Variants in CREB5 observed in about 807,000 individuals in gnomAD.
CREB5 encodes cAMP responsive element binding protein 5.
Under a neutral mutation model 57.1 loss-of-function variants are expected in CREB5, and 19 were observed. The observed-to-expected ratio is 0.33, with a 90% confidence interval of 0.23 to 0.49. The LOEUF is 0.49. CREB5 is among the 20% of genes least tolerant of loss of function. The pLI is 0.99. For synonymous variants in CREB5, 238 were observed against 238.3 expected (o/e 1.00, Z 0.01); for missense variants, 579 against 671.6 (o/e 0.86, Z 1.52).
Position 28,825,130 on chromosome 7 carries a change from A to G in CREB5, c.*5851A>G, listed in dbSNP as rs181214183. On this transcript the variant is annotated 3_prime_UTR_variant, in exon 11 of 11. Transcript: ENST00000357727. ...ATCTTATGCACAATAAGCTCATTAGATTCTAGTTTTCTCCTTTAGAATACC... is the reference window on the plus strand; with the variant it reads ...ATCTTATGCACAATAAGCTCATTAGGTTCTAGTTTTCTCCTTTAGAATACC... 1.6e-4 allele frequency: 25 copies of G among 152,790 alleles called. No individual in the cohort carries two copies. The highest frequency in any genetic ancestry group is 5.8e-4 in the African/African-American group (24 of 41,590). The allele number at this position is 152,790 out of a possible 1,614,324, so 9.5% of individuals were successfully genotyped here.
Position 28,462,789 on chromosome 7 carries a change from A to G in CREB5, c.4-25386A>G, listed in dbSNP as rs113318704. On this transcript the variant is annotated intron_variant, in intron 1 of 10. Coordinates refer to ENST00000357727, the MANE Select transcript of CREB5 (RefSeq NM_182898.4). ...TGCTTTTTTATTGTTTAGTTGCAAG[A>G]ATATTTTTTAGTACATATTCTGGAT... Among the ~76,000 whole-genome samples, 242 of 152,284 alleles carry G rather than the reference A, an allele frequency of 1.6e-3. 1 individual carries two copies. The highest frequency in any genetic ancestry group is 2.5e-3 in the Non-Finnish European group (170 of 67,992).
At chr7:28,513,047 A>C (rs216703) in intron 4 of CREB5, among the ~76,000 whole-genome samples, 42,898 of 152,146 alleles carry the variant, frequency 0.28, 6,183 homozygotes, top group South Asian at 0.37. Flanking sequence ...AGCTCCGCAA[A>C]GCAGGCTGTT....
chr7:28,581,908 G>A (rs1796137339), intron 5 of CREB5, among the ~76,000 whole-genome samples: 1 of 152,130 alleles, frequency 6.6e-6, no homozygotes, highest in South Asian at 2.1e-4. Flanking sequence ...GTAGTGCCAG[G>A]GTGGGGTGAG....
intron 2 of CREB5, among the ~76,000 whole-genome samples, chr7:28,492,849 A>G (rs969815139): frequency 3.3e-5 from 5 of 151,916 alleles, no homozygotes; most frequent in Non-Finnish European, 5.9e-5. Context: ...AGACTAGGCA[A>G]CTCAGTCTCT....
chr7:28,303,594 C>A (rs1345812683), intron 1 of CREB5, among the ~76,000 whole-genome samples: 1 of 152,136 alleles, frequency 6.6e-6, no homozygotes, highest in African/African-American at 2.4e-5. Context: ...CAAATATTTG[C>A]ATGGTTGCTG....
At chr7:28,791,643 T>C (rs1385024994) in intron 7 of CREB5, among the ~76,000 whole-genome samples, 1 of 152,224 alleles carries the variant, frequency 6.6e-6, no homozygotes, top group East Asian at 1.9e-4. Context: ...TTATTGTCAG[T>C]CCCTGGTGAG....
At chr7:28,770,899 T>C (rs1456241040) in intron 7 of CREB5, among the ~76,000 whole-genome samples, 1 of 152,206 alleles carries the variant, frequency 6.6e-6, no homozygotes, top group Non-Finnish European at 1.5e-5. Context: ...CAAGGTATAC[T>C]TGAAATGTGC....
intron 1 of CREB5, among the ~76,000 whole-genome samples, chr7:28,319,222 T>G (rs1210205232): frequency 6.6e-6 from 1 of 152,182 alleles, no homozygotes; most frequent in African/African-American, 2.4e-5. Flanking sequence ...ATGGCCTGTA[T>G]AGAAGATCGG....
chr7:28,586,053 A>G (rs568548751), intron 5 of CREB5, among the ~76,000 whole-genome samples: 30 of 152,242 alleles, frequency 2.0e-4, no homozygotes, highest in African/African-American at 6.0e-4. Context: ...TCTGTTTCTC[A>G]AGGGCTCATC....
At chr7:28,381,370 C>G (rs1786962986) in intron 1 of CREB5, among the ~76,000 whole-genome samples, 1 of 152,082 alleles carries the variant, frequency 6.6e-6, no homozygotes, top group Non-Finnish European at 1.5e-5. Context: ...TACTATTATC[C>G]TCATTTTAAA....
chr7:28,763,902 T>C (rs1805809033), intron 7 of CREB5, among the ~76,000 whole-genome samples: 1 of 151,964 alleles, frequency 6.6e-6, no homozygotes, highest in Non-Finnish European at 1.5e-5. Context: ...TGGACTTGAA[T>C]GATTCTCCCA....
chr7:28,689,449 C>A (rs1022303527), intron 5 of CREB5, among the ~76,000 whole-genome samples: 1 of 152,098 alleles, frequency 6.6e-6, no homozygotes, highest in Non-Finnish European at 1.5e-5. Context: ...GCCTGGGCGA[C>A]AAAGCGAGAC....
At chr7:28,579,378 A>C (rs1205229971) in intron 5 of CREB5, among the ~76,000 whole-genome samples, 3 of 152,224 alleles carry the variant, frequency 2.0e-5, no homozygotes, top group Non-Finnish European at 1.5e-5. Context: ...ATATCAACTA[A>C]AAGTTCCTGT....
intron 5 of CREB5, among the ~76,000 whole-genome samples, chr7:28,666,952 C>A (rs778150463): frequency 1.3e-5 from 2 of 150,086 alleles, no homozygotes; most frequent in Non-Finnish European, 3.0e-5. Flanking sequence ...AAAAAAAAAC[C>A]TCAAAATGAT....
At chr7:28,462,028 C>T (rs1299902774) in intron 1 of CREB5, among the ~76,000 whole-genome samples, 2 of 152,052 alleles carry the variant, frequency 1.3e-5, no homozygotes, top group African/African-American at 2.4e-5. Context: ...ACATTTTCGT[C>T]ACCCCCAAAA....
intron 4 of CREB5, among the ~76,000 whole-genome samples, chr7:28,515,869 TTA>T (rs201681908): frequency 0.013 from 497 of 37,686 alleles, 1 homozygote; most frequent in African/African-American, 0.039. Flanking sequence ...TTGAATGCAT[TTA>T]AAAAAAAACA....
chr7:28,806,628 T>G (rs1375992510), intron 8 of CREB5, among the ~76,000 whole-genome samples: 1 of 152,224 alleles, frequency 6.6e-6, no homozygotes, highest in Non-Finnish European at 1.5e-5. Flanking sequence ...TGTATTTGCA[T>G]TTTCTCCTGG....
chr7:28,774,107 G>T (rs185522832), intron 7 of CREB5, among the ~76,000 whole-genome samples: 2 of 152,100 alleles, frequency 1.3e-5, no homozygotes, highest in Admixed American at 1.3e-4. Flanking sequence ...TTAACTGAAA[G>T]GTCACCAGTA....
chr7:28,747,199 G>A (rs976119207), intron 7 of CREB5, among the ~76,000 whole-genome samples: 2 of 152,066 alleles, frequency 1.3e-5, no homozygotes, highest in Non-Finnish European at 2.9e-5. Context: ...AGATGGAGAG[G>A]AAAAGATACA....
Sources: gnomAD v4.1 joint callset for allele counts (sites outside exome capture counted in the v4.1 genomes callset) on GRCh38, gnomAD v4.1.1 for gene constraint, MANE v1.5 for transcripts, NCBI Gene and HGNC (gene_info 2026-07-23, HGNC 2026-07-21) for gene names.